Variants in GID4 observed in about 807,000 individuals in gnomAD.
The protein encoded by GID4 is GID complex subunit 4 homolog, also known as glucose-induced degradation protein 4 homolog.
A neutral mutation model predicts 32.4 loss-of-function variants in GID4; 7 were observed. The ratio of observed to expected loss-of-function variants is 0.22; its 90% CI spans 0.12 to 0.41. The LOEUF is 0.41. Among genes scored for constraint, GID4 ranks in the 10% least tolerant of loss-of-function variants. The pLI is 1.00. For missense variants in GID4, 309 were observed against 400.0 expected (o/e 0.77, Z 1.94); for synonymous variants, 166 against 170.0 (o/e 0.98, Z 0.18).
chr17:18,045,092 A>G, intron 1 of GID4, 55 bp from the exon 2 acceptor site: 6 of 1,409,334 alleles, frequency 4.3e-6, no homozygotes, highest in Non-Finnish European at 6.0e-6. Context: ...ACCCTCCTGC[A>G]TGTCCCCTAG....
chr17:18,044,081 T>C (rs2044828305), intron 1 of GID4, among the ~76,000 whole-genome samples: 1 of 152,172 alleles, frequency 6.6e-6, no homozygotes, highest in Non-Finnish European at 1.5e-5. Flanking sequence ...TTCTCCCCTG[T>C]GGTCTAGATG....
intron 2 of GID4, 26 bp downstream of exon 2, chr17:18,045,232 C>G (rs1326742930): frequency 1.3e-6 from 2 of 1,594,016 alleles, no homozygotes; most frequent in African/African-American, 2.7e-5. Flanking sequence ...CACAAACCAG[C>G]ACTAGAAAGT....
At position 18,065,358 on chromosome 17, in the gene GID4, G is replaced by C; in HGVS notation, c.*115G>C. ...GTGTGTTCCTGTTTCTTCACGAGCA[G>C]ACTCGCATCACAAAGCATGAATGTT... is the stretch of plus-strand genomic sequence containing the variant. On this transcript the variant is annotated 3_prime_UTR_variant, in exon 6 of 6. Coordinates refer to ENST00000268719, the MANE Select transcript of GID4 (RefSeq NM_024052.5). The C allele has an allele frequency of 1.3e-6, 1 of 779,512 alleles. No homozygotes were observed. Among genetic ancestry groups the C allele is most frequent in the South Asian group, 1.5e-5 (1 of 67,072 alleles). The allele number at this position is 779,512 out of a possible 1,614,324, so 48.3% of individuals were successfully genotyped here.
At chr17:18,054,383 C>G in intron 3 of GID4, 149 bp downstream of exon 3, 1 of 527,288 alleles carries the variant, frequency 1.9e-6, no homozygotes, top group Non-Finnish European at 3.4e-6. Flanking sequence ...TCAGTTGTTC[C>G]ATCTTCCTTA....
chr17:18,060,428 T>C (rs962355547), intron 4 of GID4, among the ~76,000 whole-genome samples: 1 of 135,138 alleles, frequency 7.4e-6, no homozygotes, highest in Non-Finnish European at 1.6e-5. Flanking sequence ...AAAAAAGAAG[T>C]GGGGATCACC....
In GID4 at chr17:18,056,898, C is replaced by G. The variant is rs77568167; in HGVS notation, c.607-1970C>G. 1,381 of 1,550,574 alleles carry G rather than the reference C, an allele frequency of 8.9e-4. 14 individuals are homozygous for G. In the African/African-American group the frequency reaches 0.017, roughly 19 times the overall value. On this transcript the variant is annotated intron_variant, in intron 3 of 5. Transcript: ENST00000268719. ...AGTACTCAGCATTTCCCCTAACTTTCACCACTCATGGAGGACTCCCAGGTT... is the reference window on the plus strand; with the variant it reads ...AGTACTCAGCATTTCCCCTAACTTTGACCACTCATGGAGGACTCCCAGGTT...
chr17:18,040,498 A>T (rs2044785351), intron 1 of GID4, among the ~76,000 whole-genome samples: 1 of 152,074 alleles, frequency 6.6e-6, no homozygotes, highest in African/African-American at 2.4e-5. Context: ...CCCTGGCCTC[A>T]CCTCAAGACC....
intron 1 of GID4, among the ~76,000 whole-genome samples, chr17:18,040,155 G>GC (rs1456259655): frequency 6.6e-6 from 1 of 152,186 alleles, no homozygotes; most frequent in Non-Finnish European, 1.5e-5. Context: ...CAGACTTGAA[G>GC]CCCGTGACCG....
rs1308848729 is a variant in GID4 at position 18,062,026 on chromosome 17, G to C, written c.839+51G>C. ...ACGGGGAGGGCTTGCTGCCCAGCTG[G>C]CTCTCCCTTGGCTCATCAAACCCAA... On this transcript the variant is annotated intron_variant, in intron 5 of 5. Transcript: ENST00000268719. 3 of 1,595,820 alleles carry C rather than the reference G, an allele frequency of 1.9e-6. No individual in the cohort carries two copies. In the African/African-American group the frequency reaches 4.0e-5, roughly 21 times the overall value.
Position 18,058,966 on chromosome 17 carries a change from G to A in GID4, c.705G>A (p.Trp235Ter). 6.3e-7 allele frequency: 1 copy of A among 1,596,676 alleles called. No homozygotes were observed. The highest frequency in any genetic ancestry group is 8.6e-7 in the Non-Finnish European group (1 of 1,164,288). The change falls in exon 4 of 6, where the codon TGG (tryptophan) becomes TGA (stop). Residue 235 changes from tryptophan (W) to a stop codon, truncating the protein, a stop_gained. Coordinates refer to ENST00000268719, the MANE Select transcript of GID4 (RefSeq NM_024052.5). LOFTEE classifies it high-confidence loss of function. ...ATGGAGACTACGTCTTCATGAGGTGGAAGGTAAGTTCCCACCAGGTGGCCC... is the reference window on the plus strand; with the variant it reads ...ATGGAGACTACGTCTTCATGAGGTGAAAGGTAAGTTCCCACCAGGTGGCCC... ...LKNGDYVFMR[W>*]KEQFLVPDHT...
intron 1 of GID4, among the ~76,000 whole-genome samples, chr17:18,042,171 A>G (rs932003158): frequency 3.3e-5 from 5 of 151,984 alleles, no homozygotes; most frequent in Admixed American, 6.6e-5. Context: ...TTCTTTTTGT[A>G]TCTTTATTTA....
chr17:18,060,436 A>C (rs1237702306), intron 4 of GID4, among the ~76,000 whole-genome samples: 1 of 150,692 alleles, frequency 6.6e-6, no homozygotes, highest in Admixed American at 6.6e-5. Context: ...AGTGGGGATC[A>C]CCACTCTTCC....
chr17:18,049,104 G>A (rs577737152), intron 2 of GID4, among the ~76,000 whole-genome samples: 3 of 151,928 alleles, frequency 2.0e-5, no homozygotes, highest in Admixed American at 1.3e-4. Context: ...GGGAGGCTGA[G>A]GCAGCTGGAT....
intron 1 of GID4, 46 bp from the exon 2 acceptor site, chr17:18,045,101 A>G (rs1310223673): frequency 2.7e-6 from 4 of 1,479,866 alleles, no homozygotes; most frequent in East Asian, 4.5e-5. Flanking sequence ...CATGTCCCCT[A>G]GTAAGTTTAT....
chr17:18,063,779 G>A (rs912607788), intron 5 of GID4, among the ~76,000 whole-genome samples: 8 of 151,866 alleles, frequency 5.3e-5, no homozygotes, highest in African/African-American at 1.7e-4. Context: ...TCTCGCTCTT[G>A]TCCCCCAGGC....
intron 1 of GID4, among the ~76,000 whole-genome samples, chr17:18,041,457 G>A (rs2044802538): frequency 6.6e-6 from 1 of 152,076 alleles, no homozygotes; most frequent in Admixed American, 6.6e-5. Context: ...CATATCTTTG[G>A]GCTGTAAAGT....
chr17:18,061,438 C>G lies in GID4; in HGVS notation c.709-407C>G, dbSNP rs1385139026. ...AGCGACTCACTGTTCTAGATGTTAT[C>G]AAGCATCTGTTGACAGTTCTGAGAA... On this transcript the variant is annotated intron_variant, in intron 4 of 5. Coordinates refer to ENST00000268719, the MANE Select transcript of GID4 (RefSeq NM_024052.5). The surrounding 1 kb of genome is among the most constrained non-coding windows in gnomAD (Gnocchi z 4.4). Among the ~76,000 whole-genome samples the G allele has an allele frequency of 1.3e-5, 2 of 152,194 alleles. No individual in the cohort carries two copies. Among genetic ancestry groups the G allele is most frequent in the Non-Finnish European group, 1.5e-5 (1 of 68,036 alleles).
At chr17:18,053,328 T>C (rs11869328) in intron 2 of GID4, among the ~76,000 whole-genome samples, 150,571 of 150,572 alleles carry the variant, frequency 1, 75,285 homozygotes, top group Non-Finnish European at 1. Context: ...AAAAGGTATT[T>C]TAGGCTGGGT....
chr17:18,058,707 A>G (rs1286869663), intron 3 of GID4, among the ~76,000 whole-genome samples, 161 bp from the exon 4 acceptor site: 1 of 152,168 alleles, frequency 6.6e-6, no homozygotes, highest in Non-Finnish European at 1.5e-5. Context: ...TGGGGTGACC[A>G]TAGGGCCCCA....
Sources: allele counts gnomAD v4.1 joint callset (sites outside exome capture counted in the v4.1 genomes callset), GRCh38; gene constraint gnomAD v4.1.1; non-coding constraint Gnocchi (gnomAD v3.1); transcripts MANE v1.5; gene names NCBI Gene and HGNC (gene_info 2026-07-23, HGNC 2026-07-21).